ADAMTSL1: variants seen among roughly 807,000 people sequenced by gnomAD.
ADAMTSL1 encodes ADAMTS-like protein 1.
In ADAMTSL1, 126 loss-of-function variants were observed where a neutral mutation model predicts 201.8. The observed-to-expected ratio is 0.62, with a 90% CI of 0.54 to 0.72. The LOEUF (loss-of-function observed/expected upper bound fraction) is 0.72, where lower values mean the gene tolerates loss of function less well. Among genes scored for constraint, ADAMTSL1 ranks in the 30% least tolerant of loss-of-function variants. The pLI is 0.00. For synonymous variants in ADAMTSL1, 1,121 were observed against 903.4 expected (o/e 1.24, Z -4.32); for missense variants, 2,679 against 2,277.8 (o/e 1.18, Z -3.59).
intron 2 of ADAMTSL1, among the ~76,000 whole-genome samples, chr9:18,389,106 T>C (rs1837935841): frequency 6.6e-6 from 1 of 152,160 alleles, no homozygotes; most frequent in Admixed American, 6.6e-5. Flanking sequence ...AATTTAAAAT[T>C]TGTGAATATT....
At chr9:18,523,948 C>A (rs1442364610) in intron 2 of ADAMTSL1, among the ~76,000 whole-genome samples, 1 of 139,470 alleles carries the variant, frequency 7.2e-6, no homozygotes. Flanking sequence ...TCCATATGAA[C>A]TTTAAAGTAG....
At chr9:17,939,628 G>A (rs1207589417) in intron 1 of ADAMTSL1, among the ~76,000 whole-genome samples, 1 of 152,018 alleles carries the variant, frequency 6.6e-6, no homozygotes, top group African/African-American at 2.4e-5. Flanking sequence ...TATGAATCTT[G>A]CTGGGATTTT....
chr9:18,638,915 G>C (rs1269487232), intron 6 of ADAMTSL1, among the ~76,000 whole-genome samples: 1 of 152,060 alleles, frequency 6.6e-6, no homozygotes, highest in African/African-American at 2.4e-5. Flanking sequence ...CAAGATTGAA[G>C]TCAAAAAGAG....
chr9:18,553,838 T>C (rs1820942272), intron 3 of ADAMTSL1, among the ~76,000 whole-genome samples: 1 of 151,872 alleles, frequency 6.6e-6, no homozygotes, highest in Admixed American at 6.6e-5. Flanking sequence ...ACTTCTTTTA[T>C]TTATTGTTGG....
chr9:18,265,853 T>C (rs368725977), intron 2 of ADAMTSL1, among the ~76,000 whole-genome samples: 11 of 152,158 alleles, frequency 7.2e-5, no homozygotes, highest in East Asian at 5.8e-4. Flanking sequence ...GTTTTCAGAA[T>C]GGCACAGGAT....
chr9:18,512,714 G>A (rs1476602443), intron 2 of ADAMTSL1, among the ~76,000 whole-genome samples: 2 of 152,010 alleles, frequency 1.3e-5, no homozygotes, highest in East Asian at 3.8e-4. Context: ...TACATCTGTG[G>A]AACTGGGTTT....
intron 15 of ADAMTSL1, among the ~76,000 whole-genome samples, chr9:18,736,787 A>C (rs1818521392): frequency 6.6e-6 from 1 of 152,174 alleles, no homozygotes; most frequent in Non-Finnish European, 1.5e-5. Context: ...TTCATCCTCA[A>C]ATGTGTAAAA....
intron 23 of ADAMTSL1, among the ~76,000 whole-genome samples, chr9:18,867,731 A>G (rs1827629263): frequency 6.6e-6 from 1 of 151,986 alleles, no homozygotes; most frequent in South Asian, 2.1e-4. Context: ...AGTTCAAGCA[A>G]TTCTCCCGCC....
chr9:18,357,695 A>G (rs1441040260), intron 2 of ADAMTSL1, among the ~76,000 whole-genome samples: 1 of 152,170 alleles, frequency 6.6e-6, no homozygotes, highest in Non-Finnish European at 1.5e-5. Flanking sequence ...TAGTGCCAAA[A>G]GCTCAATAGT....
At chr9:18,577,770 C>T (rs1822828061) in intron 4 of ADAMTSL1, among the ~76,000 whole-genome samples, 1 of 152,026 alleles carries the variant, frequency 6.6e-6, no homozygotes, top group Non-Finnish European at 1.5e-5. Context: ...CAAAAAACTT[C>T]CCAGGATGTG....
chr9:17,980,186 A>T (rs1361146605), intron 1 of ADAMTSL1, among the ~76,000 whole-genome samples: 1 of 152,180 alleles, frequency 6.6e-6, no homozygotes, highest in Non-Finnish European at 1.5e-5. Flanking sequence ...CTCCACCCAG[A>T]TGCTATAATT....
chr9:18,047,520 G>A (rs750257320), intron 1 of ADAMTSL1, among the ~76,000 whole-genome samples: 3 of 152,126 alleles, frequency 2.0e-5, no homozygotes, highest in Admixed American at 6.5e-5. Context: ...GCAAGAAGCA[G>A]CCATCCCTAA....
At chr9:18,767,152 T>C (rs183423484) in intron 16 of ADAMTSL1, among the ~76,000 whole-genome samples, 4 of 152,260 alleles carry the variant, frequency 2.6e-5, no homozygotes, top group Admixed American at 2.6e-4. Context: ...AAGAGTTCCA[T>C]TTTAGGCATG....
At chr9:17,950,381 G>A (rs2840778) in intron 1 of ADAMTSL1, among the ~76,000 whole-genome samples, 129,223 of 151,998 alleles carry the variant, frequency 0.85, 55,077 homozygotes, top group East Asian at 0.94. Context: ...AAGATAGTAG[G>A]GAAGTCCTCT....
intron 4 of ADAMTSL1, among the ~76,000 whole-genome samples, chr9:18,595,726 G>A (rs1824220718): frequency 6.6e-6 from 1 of 152,236 alleles, no homozygotes; most frequent in Admixed American, 6.5e-5. Flanking sequence ...TTCTACCAAG[G>A]CAGTAGTGTA....
At chr9:18,609,447 T>C (rs1825243080) in intron 4 of ADAMTSL1, among the ~76,000 whole-genome samples, 1 of 151,440 alleles carries the variant, frequency 6.6e-6, no homozygotes, top group African/African-American at 2.4e-5. Context: ...AAAAAAAAAT[T>C]ATCCAATGGA....
At chr9:18,023,627 C>T (rs538645865) in intron 1 of ADAMTSL1, among the ~76,000 whole-genome samples, 9 of 152,038 alleles carry the variant, frequency 5.9e-5, no homozygotes, top group African/African-American at 9.7e-5. Context: ...CTGTTGGGTG[C>T]GAATGGAGTA....
chr9:17,938,291 G>A (rs1379631276), intron 1 of ADAMTSL1, among the ~76,000 whole-genome samples: 4 of 152,028 alleles, frequency 2.6e-5, no homozygotes, highest in Admixed American at 6.6e-5. Flanking sequence ...GTGCAAACTC[G>A]TTTCACATGG....
At chr9:18,202,250 A>C (rs1015860210) in intron 2 of ADAMTSL1, among the ~76,000 whole-genome samples, 2 of 152,198 alleles carry the variant, frequency 1.3e-5, no homozygotes, top group African/African-American at 4.8e-5. Flanking sequence ...GACATAAAGA[A>C]ATTTCAACAG....
Sources: allele counts gnomAD v4.1 joint callset (sites outside exome capture counted in the v4.1 genomes callset), GRCh38; gene constraint gnomAD v4.1.1; transcripts MANE v1.5; gene names NCBI Gene and HGNC (gene_info 2026-07-23, HGNC 2026-07-21).